SLC4A9: variants seen among roughly 807,000 people sequenced by gnomAD.
The protein encoded by SLC4A9 is anion exchange protein 4.
In SLC4A9, 102 loss-of-function variants were observed where a neutral mutation model predicts 103.2. The observed-to-expected ratio is 0.99, with a 90% confidence interval of 0.84 to 1.17. The LOEUF (loss-of-function observed/expected upper bound fraction) is 1.17, where lower values mean the gene tolerates loss of function less well. Ranked by LOEUF, SLC4A9 falls within the 50% of genes most tolerant of loss-of-function variation. The probability of loss-of-function intolerance (pLI) is 0.00; values close to 1 mark genes in which losing one functional copy is unlikely to be tolerated. For missense variants in SLC4A9, 1,091 were observed against 1,193.7 expected, an observed-to-expected ratio of 0.91 and a Z score of 1.27; for synonymous variants, 453 against 483.6, an observed-to-expected ratio of 0.94 and a Z score of 0.83.
rs555607630 is a variant in SLC4A9 at position 140,368,625 on chromosome 5, C to T, written c.2393C>T (p.Thr798Ile). ...RLTGLVVFILTGASIFLAPVL... is the reference protein window; with the variant it reads ...RLTGLVVFILIGASIFLAPVL... ...ACAGGCCTGGTGGTGTTCATCCTTA[C>T]AGGAGCCTCCATCTTCCTGGCACCT... Residue 798 changes from threonine to isoleucine, a missense_variant, in exon 17 of 22, where the codon ACA (threonine) becomes ATA (isoleucine). Coordinates refer to ENST00000506757, the MANE Select transcript of SLC4A9 (RefSeq NM_031467.3). The T allele has an allele frequency of 7.3e-5, 117 of 1,613,556 alleles. No homozygotes were observed. In the South Asian group the frequency reaches 1.1e-3, roughly 15 times the overall value.
In SLC4A9 at chr5:140,365,595, G is replaced by A. The variant is rs755476415; in HGVS notation, c.1710+17G>A. ...GTAAGCATGGTGAGGGACTGCTCCT[G>A]GGAGGTTCTAGGAAGGAAAGGGTGG... On this transcript the variant is annotated intron_variant, in intron 12 of 21. Coordinates refer to ENST00000506757, the MANE Select transcript of SLC4A9 (RefSeq NM_031467.3). 3.1e-6 allele frequency: 5 copies of A among 1,609,694 alleles called. No individual in the cohort carries two copies. The highest frequency in any genetic ancestry group is 4.2e-6 in the Non-Finnish European group (5 of 1,177,866).
At chr5:140,367,651 C>G in intron 15 of SLC4A9, 69 bp from the exon 16 acceptor site, 2 of 1,602,992 alleles carry the variant, frequency 1.2e-6, no homozygotes, top group Non-Finnish European at 1.7e-6. Context: ...TCCTCCTCTC[C>G]TACCTCAGAG....
chr5:140,365,617 G>A (rs781768399), intron 12 of SLC4A9, 39 bp downstream of exon 12: 2 of 1,598,132 alleles, frequency 1.3e-6, no homozygotes, highest in Non-Finnish European at 1.7e-6. Context: ...GAAGGAAAGG[G>A]TGGAGACCAA....
At chr5:140,361,658 C>A in intron 3 of SLC4A9, 150 bp from the exon 4 acceptor site, 1 of 840,858 alleles carries the variant, frequency 1.2e-6, no homozygotes, top group Non-Finnish European at 1.9e-6. Context: ...ACAATTATCC[C>A]CATTTTAGTG....
rs375939290 is a variant in SLC4A9 at position 140,361,837 on chromosome 5, A to G, written c.535A>G (p.Asn179Asp). ...GSTHPRKASD[N>D]EEAPLREQCQ... The stretch of plus-strand genomic sequence containing the variant: ...TACTCATCCAAGAAAGGCTTCTGAC[A>G]ATGAGGAAGCCCCCCTGAGGGAACA... Residue 179 changes from asparagine to aspartate, a missense_variant, in exon 4 of 22, where the codon AAT (asparagine) becomes GAT (aspartate). Coordinates refer to ENST00000506757, the MANE Select transcript of SLC4A9 (RefSeq NM_031467.3). The G allele has an allele frequency of 6.2e-7, 1 of 1,613,862 alleles. No individual in the cohort carries two copies. The highest frequency in any genetic ancestry group is 8.5e-7 in the Non-Finnish European group (1 of 1,179,878).
intron 14 of SLC4A9, 87 bp downstream of exon 14, chr5:140,366,351 T>C: frequency 1.2e-6 from 1 of 854,922 alleles, no homozygotes; most frequent in Non-Finnish European, 1.8e-6. Flanking sequence ...AATCCCACAC[T>C]TCTCTAAGCT....
At position 140,363,651 on chromosome 5, in the gene SLC4A9, C is replaced by A; in HGVS notation, c.1080-77C>A. 1 of 1,586,630 alleles carries A rather than the reference C, an allele frequency of 6.3e-7. No individual in the cohort carries two copies. The highest frequency in any genetic ancestry group is 8.6e-7 in the Non-Finnish European group (1 of 1,165,036). On this transcript the variant is annotated intron_variant, in intron 8 of 21. Coordinates refer to ENST00000506757, the MANE Select transcript of SLC4A9 (RefSeq NM_031467.3). This position sits in a 1 kb window ranked among gnomAD's most constrained non-coding sequence, Gnocchi z 4.5. ...GTGTGCTCACTGTGGGAGGGGCTCA[C>A]CCGGTCACAGGGAAAGTAGCGGGGA... is the stretch of plus-strand genomic sequence containing the variant.
rs199914595 is a variant in SLC4A9 at position 140,362,503 on chromosome 5, C to T, written c.778C>T (p.Arg260Trp). 3.3e-4 allele frequency: 540 copies of T among 1,614,002 alleles called. 1 individual carries two copies. Among genetic ancestry groups the T allele is most frequent in the Non-Finnish European group, 3.9e-4 (464 of 1,179,880 alleles). The change falls in exon 6 of 22, where the codon CGG becomes TGG. Residue 260 changes from arginine (R) to tryptophan (W), a missense_variant. By Grantham distance (101) the Arg-to-Trp change is moderately radical. Transcript: ENST00000506757. ...GGGAAAGGGCTACCATGAGATGGGA[C>T]GGGCAGCAGCTGTCCTCCTCAGTGA... is the stretch of plus-strand genomic sequence containing the variant. ...MLGKGYHEMG[R>W]AAAVLLSDPQ...
Position 140,368,488 on chromosome 5 carries a change from C to T in SLC4A9, c.2355-99C>T. On this transcript the variant is annotated intron_variant, in intron 16 of 21. Transcript: ENST00000506757. ...TACTGGGGTATTCCTCTAGTTTTCT[C>T]TTGCTGCCGGGGTCTGTACTGGTAT... The T allele has an allele frequency of 3.1e-6, 3 of 976,024 alleles. No homozygotes were observed. The South Asian group carries it at 5.5e-5, about 18-fold the overall frequency. 60.5% of individuals were successfully genotyped at this position (976,024 alleles called of 1,614,324 possible).
Position 140,371,556 on chromosome 5 carries a change from C to T in SLC4A9, c.2602C>T (p.Gln868Ter). 6.2e-7 allele frequency: 1 copy of T among 1,614,054 alleles called. No homozygotes were observed. The highest frequency in any genetic ancestry group is 8.5e-7 in the Non-Finnish European group (1 of 1,179,894). ...CAGGGTCCACCTCTTCACAGCCATC[C>T]AGCTTGCCTGTCTGGGGCTGCTTTG... ...LTRVHLFTAIQLACLGLLWII... is the reference protein window; with the variant it reads ...LTRVHLFTAI The change falls in exon 19 of 22, where the codon CAG becomes TAG. Residue 868 changes from glutamine (Q) to a stop codon, truncating the protein, a stop_gained. Coordinates refer to ENST00000506757, the MANE Select transcript of SLC4A9 (RefSeq NM_031467.3). LOFTEE classifies it high-confidence loss of function.
rs1174382610 is a variant in SLC4A9 at position 140,363,906 on chromosome 5, G to C, written c.1254+4G>C. Reference sequence around the variant, plus strand: ...AGATGCCACTGATGGTGCCCAGGTGGGTAGGGCCCAGGGGGCAGGCACAAG... The same window carrying C: ...AGATGCCACTGATGGTGCCCAGGTGCGTAGGGCCCAGGGGGCAGGCACAAG... On this transcript the variant is annotated splice_donor_region_variant and intron_variant, in intron 9 of 21. Coordinates refer to ENST00000506757, the MANE Select transcript of SLC4A9 (RefSeq NM_031467.3). This position sits in a 1 kb window ranked among gnomAD's most constrained non-coding sequence, Gnocchi z 4.5. 3.1e-6 allele frequency: 5 copies of C among 1,613,358 alleles called. No individual in the cohort carries two copies. In the East Asian group the frequency reaches 8.9e-5, roughly 29 times the overall value.
rs755095625 is a variant in SLC4A9, at chr5:140,372,282, T to C, written c.2711T>C (p.Val904Ala). ...LVGVRKALER[V>A]FSPQELLWLD... The stretch of plus-strand genomic sequence containing the variant: ...GGGGTCCGAAAGGCCCTGGAGAGGG[T>C]CTTCTCACCACAGGAACTCCTCTGG... Residue 904 changes from valine to alanine, a missense_variant, in exon 20 of 22, where the codon GTC (valine) becomes GCC (alanine). By Grantham distance (64) the Val-to-Ala change is moderately conservative. Coordinates refer to ENST00000506757, the MANE Select transcript of SLC4A9 (RefSeq NM_031467.3). 3.8e-6 allele frequency: 6 copies of C among 1,597,250 alleles called. No homozygotes were observed. In the East Asian group the frequency reaches 1.4e-4, roughly 36 times the overall value.
At chr5:140,367,132 A>T (rs1329142974) in intron 14 of SLC4A9, among the ~76,000 whole-genome samples, 1 of 152,196 alleles carries the variant, frequency 6.6e-6, no homozygotes, top group African/African-American at 2.4e-5. Context: ...CTGTACATCA[A>T]GAAGTGTGTG....
Position 140,364,173 on chromosome 5 carries a change from C to G in SLC4A9, c.1374C>G (p.Leu458=). The G allele has an allele frequency of 1.3e-6, 2 of 1,570,548 alleles. No homozygotes were observed. The highest frequency in any genetic ancestry group is 1.7e-6 in the Non-Finnish European group (2 of 1,158,142). The stretch of plus-strand genomic sequence containing the variant: ...CAGTGCTGGTCTTTGAGCGCCTGCT[C>G]TTCTCTTTCAGCAGGTAGGAGAGCT... ...TGPVLVFERL[L]FSFSRDYSLD... is the part of the protein sequence containing the mutation. The change falls in exon 10 of 22, where the codon CTC becomes CTG. Residue 458 remains leucine (L), a synonymous_variant. Transcript: ENST00000506757.
At chr5:140,372,149 C>A in intron 19 of SLC4A9, 93 bp from the exon 20 acceptor site, 1 of 1,111,724 alleles carries the variant, frequency 9.0e-7, no homozygotes, top group Non-Finnish European at 1.2e-6. Context: ...ATATACAATG[C>A]CTAGCACATA....
At chr5:140,373,190 C>T (rs1410349816) in intron 21 of SLC4A9, among the ~76,000 whole-genome samples, 1 of 151,814 alleles carries the variant, frequency 6.6e-6, no homozygotes, top group Non-Finnish European at 1.5e-5. Flanking sequence ...TGCTCCTTTC[C>T]CTTGCTTGGA....
intron 13 of SLC4A9, 61 bp downstream of exon 13, chr5:140,366,083 GA>G: frequency 6.2e-7 from 1 of 1,609,636 alleles, no homozygotes; most frequent in Middle Eastern, 1.7e-4. Flanking sequence ...TCCTATCTGT[GA>G]TGGGAAGTGG....
intron 21 of SLC4A9, among the ~76,000 whole-genome samples, chr5:140,373,342 C>G (rs1319449297): frequency 6.6e-6 from 1 of 152,150 alleles, no homozygotes; most frequent in Non-Finnish European, 1.5e-5. Flanking sequence ...TATCTTGGTA[C>G]TAGAGATACA....
rs1182136176 is a variant in SLC4A9, at chr5:140,360,887, G to A, written c.306G>A (p.Leu102=). The stretch of plus-strand genomic sequence containing the variant: ...CCCCCCACGTGCCCACCCTGGCACT[G>A]CCCAGCCTCCAGAAGCTCCGCAGCC... ...WSAPHVPTLA[L]PSLQKLRSLL... Residue 102 remains leucine, a synonymous_variant, in exon 2 of 22, where the codon CTG becomes CTA. Coordinates refer to ENST00000506757, the MANE Select transcript of SLC4A9 (RefSeq NM_031467.3). 3 of 1,610,396 alleles carry A rather than the reference G, an allele frequency of 1.9e-6. No homozygotes were observed. The highest frequency in any genetic ancestry group is 1.7e-6 in the Non-Finnish European group (2 of 1,178,938).
Sources: gnomAD v4.1 joint callset for allele counts (sites outside exome capture counted in the v4.1 genomes callset) on GRCh38, gnomAD v4.1.1 for gene constraint, Gnocchi (gnomAD v3.1) non-coding constraint, MANE v1.5 for transcripts, NCBI Gene and HGNC (gene_info 2026-07-23, HGNC 2026-07-21) for gene names.